Variants in PPP1R13B observed in about 807,000 individuals in gnomAD.
The protein encoded by PPP1R13B is protein phosphatase 1 regulatory subunit 13B.
Under a neutral mutation model 119.8 loss-of-function variants are expected in PPP1R13B, and 44 were observed. That is an observed-to-expected ratio of 0.37 (90% CI 0.29 to 0.47). PPP1R13B has a LOEUF of 0.47. PPP1R13B is among the 20% of genes least tolerant of loss of function. PPP1R13B has a pLI of 0.99. For missense variants in PPP1R13B, 1,227 were observed against 1,413.5 expected (o/e 0.87, Z 2.12); for synonymous variants, 542 against 561.5 (o/e 0.97, Z 0.49).
chr14:103,784,998 G>A lies in PPP1R13B; in HGVS notation c.158-84C>T, dbSNP rs2085424588. On this transcript the variant is annotated intron_variant, in intron 2 of 16. Coordinates refer to ENST00000202556, the MANE Select transcript of PPP1R13B (RefSeq NM_015316.3). ...AATTTTGTAAAAAACTTAAATGAAT[G>A]TATATATGCACACATGTATGTCTAC... 4.0e-6 allele frequency: 5 copies of A among 1,264,674 alleles called. No homozygotes were observed. The East Asian group carries it at 9.8e-5, about 25-fold the overall frequency. 78.3% of individuals were successfully genotyped at this position (1,264,674 alleles called of 1,614,324 possible).
chr14:103,814,311 T>C (rs1386560397), intron 1 of PPP1R13B, among the ~76,000 whole-genome samples: 4 of 152,090 alleles, frequency 2.6e-5, no homozygotes, highest in African/African-American at 9.7e-5. Context: ...ATTGCCCCAC[T>C]GCACTCCAGC....
chr14:103,747,939 C>T (rs1437649597), intron 8 of PPP1R13B, among the ~76,000 whole-genome samples: 1 of 152,184 alleles, frequency 6.6e-6, no homozygotes, highest in Non-Finnish European at 1.5e-5. Context: ...AAAGCGGGAT[C>T]CTGCCTAGAG....
At chr14:103,815,863 C>G (rs762115088) in intron 1 of PPP1R13B, among the ~76,000 whole-genome samples, 22 of 152,034 alleles carry the variant, frequency 1.4e-4, no homozygotes, top group Admixed American at 7.2e-4. Flanking sequence ...GCGGGCAGAT[C>G]ACAAGGTCAG....
upstream of PPP1R13B, chr14:103,847,714 C>T (rs2087097620): frequency 3.8e-6 from 3 of 789,382 alleles, no homozygotes; most frequent in African/African-American, 1.9e-5. Context: ...CCCGGCTCCG[C>T]CCGCTACCCT....
chr14:103,800,273 ACGC>A (rs1595791284), intron 1 of PPP1R13B, among the ~76,000 whole-genome samples: 1 of 151,916 alleles, frequency 6.6e-6, no homozygotes, highest in East Asian at 1.9e-4. Flanking sequence ...GCTTACAATC[ACGC>A]CACTGCACTC....
intron 15 of PPP1R13B, 102 bp downstream of exon 15, chr14:103,737,592 A>T: frequency 2.1e-6 from 3 of 1,406,230 alleles, no homozygotes; most frequent in Non-Finnish European, 9.6e-7. Flanking sequence ...TAAAAAAAAC[A>T]AACAGAAAGC....
intron 1 of PPP1R13B, among the ~76,000 whole-genome samples, chr14:103,823,347 G>GAA (rs796723669): frequency 7.7e-6 from 1 of 129,650 alleles, no homozygotes; most frequent in African/African-American, 2.8e-5. Flanking sequence ...TCAAAAAAAA[G>GAA]AAAAAAAAAA....
rs1305822838 is a variant in PPP1R13B, at chr14:103,740,550, C to T, written c.1866G>A (p.Ser622=). ...GTGACCCGTGAAGAAACGGCAGCGG[C>T]GATGGAGAGGTTGAACCCGAAGGTA... The part of the protein sequence containing the change: ...PVLPSGSTSP[S]PLPFLHGSLS... The change falls in exon 12 of 17, where the codon TCG becomes TCA. Residue 622 remains serine (S), a synonymous_variant. Coordinates refer to ENST00000202556, the MANE Select transcript of PPP1R13B (RefSeq NM_015316.3). The surrounding 1 kb of genome is among the most constrained non-coding windows in gnomAD (Gnocchi z 4.6). The T allele has an allele frequency of 3.8e-6, 6 of 1,558,474 alleles. No individual in the cohort carries two copies. The highest frequency in any genetic ancestry group is 1.4e-5 in the African/African-American group (1 of 73,264).
intron 1 of PPP1R13B, among the ~76,000 whole-genome samples, chr14:103,830,200 A>G (rs1431796562): frequency 6.6e-6 from 1 of 151,998 alleles, no homozygotes; most frequent in East Asian, 1.9e-4. Context: ...AGTTCAACTG[A>G]TTCTCTTGCC....
At chr14:103,837,604 TACAC>T (rs2086807800) in intron 1 of PPP1R13B, among the ~76,000 whole-genome samples, 1 of 151,174 alleles carries the variant, frequency 6.6e-6, no homozygotes, top group African/African-American at 2.4e-5. Context: ...CACGCACACA[TACAC>T]ACACTCTCCA....
At chr14:103,768,849 G>GT (rs2084998534) in intron 4 of PPP1R13B, among the ~76,000 whole-genome samples, 1 of 152,128 alleles carries the variant, frequency 6.6e-6, no homozygotes, top group Non-Finnish European at 1.5e-5. Flanking sequence ...GATTACAGGT[G>GT]TGAGCCACCC....
At position 103,798,152 on chromosome 14, in the gene PPP1R13B, CT is replaced by C. The variant is rs768163941; in HGVS notation, c.10-635del. Among the ~76,000 whole-genome samples, 1,104 of 129,144 alleles carry C rather than the reference CT, an allele frequency of 8.5e-3. 12 individuals carry two copies. Among genetic ancestry groups the C allele is most frequent in the African/African-American group, 0.027 (933 of 34,150 alleles). 84.7% of individuals were successfully genotyped at this position (129,144 alleles called of 152,430 possible). A position where few individuals can be genotyped will look rare whatever the true frequency, so the allele number is the denominator to read the frequency against. On this transcript the variant is annotated intron_variant, in intron 1 of 16. Coordinates refer to ENST00000202556, the MANE Select transcript of PPP1R13B (RefSeq NM_015316.3). ...TCAAGTACATTAAATATAATAATCT[CT>C]TTTTTTTTTTTTTTTTGAGATGGAG...
At chr14:103,754,005 A>C (rs1195255105) in intron 6 of PPP1R13B, 65 bp downstream of exon 6, 1 of 1,537,874 alleles carries the variant, frequency 6.5e-7, no homozygotes, top group Non-Finnish European at 8.8e-7. Context: ...TCAGGCAGTT[A>C]GACTATGTTT....
chr14:103,778,952 A>G, intron 3 of PPP1R13B, 131 bp from the exon 4 acceptor site: 1 of 717,120 alleles, frequency 1.4e-6, no homozygotes, highest in Non-Finnish European at 2.4e-6. Context: ...TCAAGACTTT[A>G]GTACAGTTGA....
chr14:103,832,663 G>A (rs1024963905), intron 1 of PPP1R13B, among the ~76,000 whole-genome samples: 1 of 152,100 alleles, frequency 6.6e-6, no homozygotes, highest in Non-Finnish European at 1.5e-5. Flanking sequence ...TTACATCTCA[G>A]CTTAAGATCC....
intron 4 of PPP1R13B, among the ~76,000 whole-genome samples, chr14:103,770,280 G>A (rs2152003632): frequency 6.6e-6 from 1 of 152,252 alleles, no homozygotes; most frequent in African/African-American, 2.4e-5. Context: ...TTGAGAGACT[G>A]AGGCAGGAGG....
rs542264413 is a variant in PPP1R13B at position 103,789,257 on chromosome 14, C to T, written c.158-4343G>A. Among the ~76,000 whole-genome samples the T allele has an allele frequency of 7.9e-5, 12 of 152,108 alleles. No individual in the cohort carries two copies. The East Asian group carries it at 2.3e-3, about 29-fold the overall frequency. ...TGGGGGGGATGGAGTCTCACTCTGT[C>T]GCCCAGGCTGGAGTGCACTGGCATG... On this transcript the variant is annotated intron_variant, in intron 2 of 16. Coordinates refer to ENST00000202556, the MANE Select transcript of PPP1R13B (RefSeq NM_015316.3).
chr14:103,797,838 T>A (rs1015709685), intron 1 of PPP1R13B, among the ~76,000 whole-genome samples: 1 of 151,568 alleles, frequency 6.6e-6, no homozygotes, highest in Non-Finnish European at 1.5e-5. Flanking sequence ...CAATTACCTA[T>A]GAAAAAAATG....
chr14:103,742,938 T>C lies in PPP1R13B; in HGVS notation c.1151-115A>G. On this transcript the variant is annotated intron_variant, in intron 9 of 16. Coordinates refer to ENST00000202556, the MANE Select transcript of PPP1R13B (RefSeq NM_015316.3). The surrounding 1 kb of genome is among the most constrained non-coding windows in gnomAD (Gnocchi z 4.9). ...CTGGGACATCCCATTCTGATGCAGA[T>C]CCATTAACCGAGTGGTCAACCACCA... 8.1e-7 allele frequency: 1 copy of C among 1,227,888 alleles called. No individual in the cohort carries two copies. The allele number at this position is 1,227,888 out of a possible 1,614,324, so 76.1% of individuals were successfully genotyped here.
Sources: gnomAD v4.1 joint callset for allele counts (sites outside exome capture counted in the v4.1 genomes callset) on GRCh38, gnomAD v4.1.1 for gene constraint, Gnocchi (gnomAD v3.1) non-coding constraint, MANE v1.5 for transcripts, NCBI Gene and HGNC (gene_info 2026-07-23, HGNC 2026-07-21) for gene names.